Variants in MYO5B observed in about 807,000 individuals in gnomAD.
The protein encoded by MYO5B is unconventional myosin-Vb.
Under a neutral mutation model 229.3 loss-of-function variants are expected in MYO5B, and 143 were observed. That is an observed-to-expected ratio of 0.62 (90% CI 0.54 to 0.72). The LOEUF (loss-of-function observed/expected upper bound fraction) is 0.72, where lower values mean the gene tolerates loss of function less well. Ranked by LOEUF, MYO5B falls within the 30% of genes least tolerant of loss-of-function variation. The pLI is 0.00. For synonymous variants in MYO5B, 918 were observed against 885.2 expected, an observed-to-expected ratio of 1.04 and a Z score of -0.66; for missense variants, 2,321 against 2,331.0, an observed-to-expected ratio of 1.00 and a Z score of 0.09.
Position 50,040,353 on chromosome 18 carries a change from T to C in MYO5B, c.139-39A>G, listed in dbSNP as rs537133383. ...AGTAGCAGACACAAAAAGGTGGTTA[T>C]GAAGCGTTAAGTCTGTATTCAATGT... On this transcript the variant is annotated intron_variant, in intron 2 of 39. Transcript: ENST00000285039. 9 of 1,589,394 alleles carry C rather than the reference T, an allele frequency of 5.7e-6. No homozygotes were observed. In the African/African-American group the frequency reaches 6.7e-5, roughly 12 times the overall value.
At chr18:49,994,263 T>A (rs1237264998) in intron 5 of MYO5B, among the ~76,000 whole-genome samples, 1 of 152,182 alleles carries the variant, frequency 6.6e-6, no homozygotes, top group Non-Finnish European at 1.5e-5. Context: ...TACATCTGCT[T>A]CAGCACAGAC....
At chr18:50,010,900 T>C (rs2026154085) in intron 4 of MYO5B, among the ~76,000 whole-genome samples, 2 of 152,242 alleles carry the variant, frequency 1.3e-5, no homozygotes, top group Non-Finnish European at 2.9e-5. Context: ...ACAGCTGGCA[T>C]TTCAGCCAGG....
chr18:49,854,398 A>G (rs934179179), intron 30 of MYO5B, among the ~76,000 whole-genome samples: 1 of 152,232 alleles, frequency 6.6e-6, no homozygotes, highest in Non-Finnish European at 1.5e-5. Flanking sequence ...GGTGCCAGTT[A>G]CCTGGGCAAT....
chr18:50,136,316 GTCTCT>G (rs1259599508), intron 1 of MYO5B, among the ~76,000 whole-genome samples: 1 of 149,406 alleles, frequency 6.7e-6, no homozygotes, highest in African/African-American at 2.5e-5. Flanking sequence ...CCTGCCTTTA[GTCTCT>G]GAAAGGACAT....
intron 8 of MYO5B, among the ~76,000 whole-genome samples, chr18:49,984,256 A>G (rs1044458961): frequency 6.6e-6 from 1 of 152,210 alleles, no homozygotes; most frequent in African/African-American, 2.4e-5. Context: ...AGCTGACAGA[A>G]TTAACGCTGT....
At chr18:49,956,886 G>C (rs529081414) in intron 12 of MYO5B, among the ~76,000 whole-genome samples, 14 of 152,254 alleles carry the variant, frequency 9.2e-5, no homozygotes, top group African/African-American at 2.9e-4. Context: ...CATACAGAAA[G>C]AAAGTAGATT....
At chr18:50,042,495 T>C (rs56172008) in intron 2 of MYO5B, among the ~76,000 whole-genome samples, 12,641 of 152,254 alleles carry the variant, frequency 0.083, 640 homozygotes, top group Middle Eastern at 0.12. Flanking sequence ...TTTTTATTTA[T>C]ATTAAACTTT....
intron 27 of MYO5B, among the ~76,000 whole-genome samples, chr18:49,869,344 C>G (rs549432841): frequency 2.0e-4 from 31 of 152,312 alleles, no homozygotes; most frequent in African/African-American, 7.5e-4. Flanking sequence ...GCACCCAAGC[C>G]AGCCTCTTCA....
chr18:49,962,885 T>G, intron 11 of MYO5B, 64 bp downstream of exon 11: 1 of 1,364,630 alleles, frequency 7.3e-7, no homozygotes. Flanking sequence ...AGAAGTGGCC[T>G]GTCTGTCCCT....
At chr18:49,866,222 C>T (rs890128801) in intron 27 of MYO5B, among the ~76,000 whole-genome samples, 1 of 151,982 alleles carries the variant, frequency 6.6e-6, no homozygotes, top group African/African-American at 2.4e-5. Flanking sequence ...GCGCCCACCA[C>T]CACGCCTGGC....
chr18:49,853,668 G>A, intron 30 of MYO5B, 21 bp from the exon 31 acceptor site: 1 of 1,607,038 alleles, frequency 6.2e-7, no homozygotes, highest in Non-Finnish European at 8.5e-7. Context: ...GAGAGGACAG[G>A]TGAGCACGTG....
At chr18:49,912,199 G>C in intron 17 of MYO5B, 26 bp from the exon 18 acceptor site, 1 of 1,572,770 alleles carries the variant, frequency 6.4e-7, no homozygotes, top group Non-Finnish European at 8.7e-7. Flanking sequence ...AGGGGCATCA[G>C]GTGACACATC....
At chr18:50,061,442 A>C in intron 1 of MYO5B, among the ~76,000 whole-genome samples, 1 of 152,322 alleles carries the variant, frequency 6.6e-6, no homozygotes, top group African/African-American at 2.4e-5. Context: ...AGAAAAGGAA[A>C]ATAAGAAACC....
In MYO5B at chr18:50,120,299, G is replaced by C. The variant is rs114719386; in HGVS notation, c.28-64921C>G. ...CAAGTGAGGTCTGAAGACAATGTCT[G>C]CTCGAGATTGGCTTCCCAGAGCCAT... On this transcript the variant is annotated intron_variant, in intron 1 of 39. Coordinates refer to ENST00000285039, the MANE Select transcript of MYO5B (RefSeq NM_001080467.3). Among the ~76,000 whole-genome samples the C allele has an allele frequency of 7.8e-3, 1,184 of 152,304 alleles. 10 individuals carry two copies. The highest frequency in any genetic ancestry group is 0.027 in the African/African-American group (1,107 of 41,578).
chr18:50,039,220 A>C, intron 3 of MYO5B, among the ~76,000 whole-genome samples: 1 of 152,172 alleles, frequency 6.6e-6, no homozygotes, highest in East Asian at 1.9e-4. Flanking sequence ...CCTCTCAAAC[A>C]ACGGTTTATA....
At chr18:50,106,437 G>A (rs140632809) in intron 1 of MYO5B, among the ~76,000 whole-genome samples, 28 of 152,246 alleles carry the variant, frequency 1.8e-4, no homozygotes, top group African/African-American at 6.5e-4. Flanking sequence ...ATCATCATCT[G>A]GCCTTCATCA....
chr18:50,152,021 C>T (rs939288627), intron 1 of MYO5B, among the ~76,000 whole-genome samples: 9 of 152,118 alleles, frequency 5.9e-5, no homozygotes, highest in African/African-American at 1.9e-4. Context: ...GCTGGGGGCA[C>T]AGTGAGAGAG....
intron 1 of MYO5B, among the ~76,000 whole-genome samples, chr18:50,139,587 G>C (rs2032386504): frequency 6.6e-6 from 1 of 152,218 alleles, no homozygotes; most frequent in African/African-American, 2.4e-5. Context: ...CTGGAGGACA[G>C]TGGTTCTGGG....
At chr18:49,863,357 T>C (rs1233520167) in intron 28 of MYO5B, 30 bp from the exon 29 acceptor site, 3 of 1,593,160 alleles carry the variant, frequency 1.9e-6, no homozygotes, top group Admixed American at 1.7e-5. Flanking sequence ...AAAATAACTC[T>C]GGTTAAACAA....
Sources: allele counts gnomAD v4.1 joint callset (sites outside exome capture counted in the v4.1 genomes callset), GRCh38; gene constraint gnomAD v4.1.1; transcripts MANE v1.5; gene names NCBI Gene and HGNC (gene_info 2026-07-23, HGNC 2026-07-21).